Variants in SNX18 observed in about 807,000 individuals in gnomAD.
SNX18 encodes sorting nexin-18.
Under a neutral mutation model 48.7 loss-of-function variants are expected in SNX18, and 35 were observed. The ratio of observed to expected loss-of-function variants is 0.72; its 90% CI spans 0.55 to 0.95. The LOEUF (loss-of-function observed/expected upper bound fraction) is 0.95, where lower values mean the gene tolerates loss of function less well. Among genes scored for constraint, SNX18 ranks in the 40% least tolerant of loss-of-function variants. The pLI is 0.00. For synonymous variants in SNX18, 492 were observed against 384.7 expected (o/e 1.28, Z -3.26); for missense variants, 824 against 871.0 (o/e 0.95, Z 0.68).
the SNX18 span, among the ~76,000 whole-genome samples, chr5:54,628,326 G>C: frequency 6.6e-6 from 1 of 152,254 alleles, no homozygotes; most frequent in East Asian, 1.9e-4. Context: ...ATGAAGCAGA[G>C]AGGCTGTTCC....
At chr5:54,629,015 G>A in the SNX18 span, among the ~76,000 whole-genome samples, 6 of 152,328 alleles carry the variant, frequency 3.9e-5, no homozygotes, top group African/African-American at 9.6e-5. Flanking sequence ...CTTCAAGGTC[G>A]GGAGATCTTC....
the SNX18 span, chr5:54,645,587 G>A: frequency 6.6e-6 from 1 of 152,224 alleles, no homozygotes; most frequent in Admixed American, 6.5e-5. Flanking sequence ...CTCCCCAGCT[G>A]CTCCTTAAAT....
the SNX18 span, among the ~76,000 whole-genome samples, chr5:54,585,785 C>T: frequency 2.6e-5 from 4 of 151,924 alleles, no homozygotes; most frequent in East Asian, 1.9e-4. Flanking sequence ...GGGCGGATCA[C>T]GAGGTCAGGA....
At chr5:54,632,785 T>A in the SNX18 span, among the ~76,000 whole-genome samples, 1 of 151,984 alleles carries the variant, frequency 6.6e-6, no homozygotes, top group South Asian at 2.1e-4. Flanking sequence ...TTTTTTTTAT[T>A]TTTTTTTGAG....
At chr5:54,594,134 CA>C in the SNX18 span, among the ~76,000 whole-genome samples, 27,879 of 152,142 alleles carry the variant, frequency 0.18, 2,757 homozygotes, top group East Asian at 0.29. Context: ...ATGGTAATCT[CA>C]AAAGCACAAT....
the SNX18 span, among the ~76,000 whole-genome samples, chr5:54,624,873 A>G: frequency 2.0e-5 from 3 of 152,220 alleles, no homozygotes; most frequent in African/African-American, 7.2e-5. Context: ...AACAGCTGTC[A>G]GCGCTGTGCC....
At chr5:54,589,783 G>A in the SNX18 span, among the ~76,000 whole-genome samples, 1 of 152,154 alleles carries the variant, frequency 6.6e-6, no homozygotes, top group African/African-American at 2.4e-5. Context: ...GGAAACCAGG[G>A]CCCTGTGATA....
At chr5:54,522,138 C>T (rs1266768335) in intron 1 of SNX18, among the ~76,000 whole-genome samples, 1 of 152,204 alleles carries the variant, frequency 6.6e-6, no homozygotes, top group Non-Finnish European at 1.5e-5. Flanking sequence ...GTGTGCGATA[C>T]ATAAGGCTAA....
the SNX18 span, among the ~76,000 whole-genome samples, chr5:54,587,500 C>CT: frequency 6.6e-6 from 1 of 152,188 alleles, no homozygotes; most frequent in East Asian, 1.9e-4. Flanking sequence ...TCTCTATAGA[C>CT]TAAAAACTTG....
At chr5:54,534,468 G>GA (rs1762312781) in intron 1 of SNX18, among the ~76,000 whole-genome samples, 1 of 152,058 alleles carries the variant, frequency 6.6e-6, no homozygotes, top group African/African-American at 2.4e-5. Flanking sequence ...CAGAAAGAGG[G>GA]AAAACGGTAA....
intron 1 of SNX18, among the ~76,000 whole-genome samples, chr5:54,534,933 C>T (rs550859305): frequency 3.9e-5 from 6 of 152,192 alleles, no homozygotes; most frequent in African/African-American, 1.4e-4. Flanking sequence ...TAAGTGTTAG[C>T]GTTTACTGAT....
the SNX18 span, among the ~76,000 whole-genome samples, chr5:54,600,058 G>A: frequency 2.0e-5 from 3 of 152,276 alleles, no homozygotes; most frequent in Non-Finnish European, 4.4e-5. Flanking sequence ...AACAGAGTGG[G>A]AGAAAATCTT....
chr5:54,597,870 A>T, the SNX18 span, among the ~76,000 whole-genome samples: 1 of 152,110 alleles, frequency 6.6e-6, no homozygotes, highest in Non-Finnish European at 1.5e-5. Context: ...CTAGCAGAAG[A>T]CAAGAAATAA....
chr5:54,519,447 G>T lies in SNX18; in HGVS notation c.1495G>T (p.Ala499Ser). 4 of 1,614,158 alleles carry T rather than the reference G, an allele frequency of 2.5e-6. No homozygotes were observed. Among genetic ancestry groups the T allele is most frequent in the Non-Finnish European group, 3.4e-6 (4 of 1,180,044 alleles). ...CCAGGCTATCGCCTTCACCGGAGATGCCTATGACGCCATTGGCGAGCTCTT... is the reference window on the plus strand; with the variant it reads ...CCAGGCTATCGCCTTCACCGGAGATTCCTATGACGCCATTGGCGAGCTCTT... Reference protein sequence around the residue: ...LNQAIAFTGDAYDAIGELFAE... With the variant: ...LNQAIAFTGDSYDAIGELFAE... Residue 499 changes from alanine (A) to serine (S), a missense_variant, in exon 1 of 2, where the codon GCC becomes TCC. Around this residue, in one of 3 missense-constraint regions of SNX18, gnomAD observed 443 missense variants for 503.6 expected, o/e 0.88. Transcript: ENST00000381410.
the SNX18 span, among the ~76,000 whole-genome samples, chr5:54,620,412 G>A: frequency 0.039 from 5,951 of 152,228 alleles, 321 homozygotes; most frequent in African/African-American, 0.12. Flanking sequence ...TAATCTGTTA[G>A]AGAGGTGTCA....
the SNX18 span, among the ~76,000 whole-genome samples, chr5:54,640,357 G>T: frequency 6.6e-6 from 1 of 151,698 alleles, no homozygotes. Context: ...GGGACTACAG[G>T]TATGTGCCAC....
the SNX18 span, among the ~76,000 whole-genome samples, chr5:54,623,861 CA>C: frequency 6.6e-6 from 1 of 152,308 alleles, no homozygotes; most frequent in African/African-American, 2.4e-5. Flanking sequence ...CACTCTTCAG[CA>C]GGCTCATTAG....
chr5:54,569,534 CA>C, the SNX18 span, among the ~76,000 whole-genome samples: 3 of 152,144 alleles, frequency 2.0e-5, no homozygotes, highest in African/African-American at 7.2e-5. Context: ...CTCAAATGGC[CA>C]GGGATGACTG....
At chr5:54,549,375 G>A (rs958274102), downstream of SNX18, among the ~76,000 whole-genome samples, 7 of 152,168 alleles carry the variant, frequency 4.6e-5, no homozygotes, top group African/African-American at 1.4e-4. Flanking sequence ...TTCACCTTCT[G>A]CCCACTTTGC....
Sources: allele counts gnomAD v4.1 joint callset (sites outside exome capture counted in the v4.1 genomes callset), GRCh38; gene constraint gnomAD v4.1.1; regional missense constraint gnomAD v4.1.1; transcripts MANE v1.5; gene names NCBI Gene and HGNC (gene_info 2026-07-23, HGNC 2026-07-21).